The following FAM229B variants were observed in gnomAD, a reference collection of about 807,000 sequenced individuals.
FAM229B encodes protein FAM229B.
Under a neutral mutation model 6.7 loss-of-function variants are expected in FAM229B, and 2 were observed. The ratio of observed to expected loss-of-function variants is 0.30; its 90% CI spans 0.12 to 0.94. FAM229B has a LOEUF of 0.94. Among genes scored for constraint, FAM229B ranks in the 40% least tolerant of loss-of-function variants. FAM229B has a pLI of 0.54. For missense variants in FAM229B, 93 were observed against 96.2 expected, an observed-to-expected ratio of 0.97 and a Z score of 0.14; for synonymous variants, 29 against 34.0, an observed-to-expected ratio of 0.85 and a Z score of 0.51.
intron 2 of FAM229B, 78 bp downstream of exon 2, chr6:112,097,279 T>C (rs1777338993): frequency 6.6e-6 from 1 of 152,158 alleles, no homozygotes; most frequent in African/African-American, 2.4e-5. Flanking sequence ...AACCACAGAG[T>C]TTATTATGGT....
intron 1 of FAM229B, among the ~76,000 whole-genome samples, chr6:112,096,451 G>A (rs1777326834): frequency 6.8e-6 from 1 of 147,802 alleles, no homozygotes; most frequent in South Asian, 2.1e-4. Context: ...AGCTACTTGG[G>A]AGGCTGAGGC....
At chr6:112,100,330 C>G (rs1437343927) in intron 3 of FAM229B, among the ~76,000 whole-genome samples, 1 of 152,228 alleles carries the variant, frequency 6.6e-6, no homozygotes, top group Non-Finnish European at 1.5e-5. Flanking sequence ...TGCAAATGCA[C>G]ATGAATTGCC....
intron 1 of FAM229B, among the ~76,000 whole-genome samples, chr6:112,096,567 C>CA (rs1562610803): frequency 1.3e-5 from 2 of 151,462 alleles, no homozygotes; most frequent in Admixed American, 6.6e-5. Context: ...ACAACAACAA[C>CA]AAAAAAGATG....
chr6:112,090,842 C>G (rs1297386463), intron 1 of FAM229B, among the ~76,000 whole-genome samples: 3 of 152,126 alleles, frequency 2.0e-5, no homozygotes, highest in African/African-American at 4.8e-5. Context: ...ATTTCACATA[C>G]TCAGAATTTT....
At chr6:112,100,647 A>T in intron 3 of FAM229B, 23 bp from the exon 4 acceptor site, 1 of 1,511,534 alleles carries the variant, frequency 6.6e-7, no homozygotes. Context: ...ATCTAACTAC[A>T]TGTCATCTGC....
chr6:112,092,852 T>C (rs1554318291), intron 1 of FAM229B, among the ~76,000 whole-genome samples: 1 of 151,944 alleles, frequency 6.6e-6, no homozygotes, highest in Non-Finnish European at 1.5e-5. Context: ...GTTAAATATG[T>C]ATACTATAAA....
At chr6:112,096,678 G>C (rs149399092) in intron 1 of FAM229B, among the ~76,000 whole-genome samples, 1 of 149,620 alleles carries the variant, frequency 6.7e-6, no homozygotes, top group East Asian at 1.9e-4. Flanking sequence ...AGGCATTAGA[G>C]AGAGGGTGTA....
At chr6:112,096,854 A>C (rs1554318709) in intron 1 of FAM229B, among the ~76,000 whole-genome samples, 187 bp from the exon 2 acceptor site, 1 of 152,120 alleles carries the variant, frequency 6.6e-6, no homozygotes, top group Admixed American at 6.6e-5. Context: ...AATGAGAAGA[A>C]TCTCAATTCT....
At chr6:112,087,913 G>A (rs1462770362) in intron 1 of FAM229B, among the ~76,000 whole-genome samples, 193 bp downstream of exon 1, 1 of 152,118 alleles carries the variant, frequency 6.6e-6, no homozygotes, top group African/African-American at 2.4e-5. Flanking sequence ...GAACAATGGC[G>A]TTGAGCAAAG....
intron 1 of FAM229B, among the ~76,000 whole-genome samples, chr6:112,090,323 T>C (rs1277602470): frequency 6.6e-6 from 1 of 152,184 alleles, no homozygotes; most frequent in Non-Finnish European, 1.5e-5. Context: ...TCCCAACATT[T>C]AAATTCATTA....
rs1186446249 is a variant in FAM229B, at chr6:112,095,635, C to CAA, written c.-175-1382_-175-1381dup. Among the ~76,000 whole-genome samples, 115 of 48,584 alleles carry CAA rather than the reference C, an allele frequency of 2.4e-3. 1 individual carries two copies. Among genetic ancestry groups the CAA allele is most frequent in the Middle Eastern group, 0.025 (1 of 40 alleles). The allele number at this position is 48,584 out of a possible 152,430, so 31.9% of individuals were successfully genotyped here. ...TGGATGACAGAGCAAGACCCTGTCT[C>CAA]AAAAAAAAAAAAAAAAAAAAAAAAA... On this transcript the variant is annotated intron_variant, in intron 1 of 3. Coordinates refer to ENST00000368656, the MANE Select transcript of FAM229B (RefSeq NM_001033564.3).
In FAM229B at chr6:112,101,602, A is replaced by C. The variant is rs936527558; in HGVS notation, c.*815A>C. Reference sequence around the variant, plus strand: ...TATGTTCTCTTTTTCTTCTTGCAGTAGTCCCCAGAAACTCAGTCTGCTTTC... The same window carrying C: ...TATGTTCTCTTTTTCTTCTTGCAGTCGTCCCCAGAAACTCAGTCTGCTTTC... On this transcript the variant is annotated 3_prime_UTR_variant, in exon 4 of 4. Coordinates refer to ENST00000368656, the MANE Select transcript of FAM229B (RefSeq NM_001033564.3). 2 of 152,028 alleles carry C rather than the reference A, an allele frequency of 1.3e-5. No homozygotes were observed. Among genetic ancestry groups the C allele is most frequent in the African/African-American group, 4.8e-5 (2 of 41,396 alleles). 9.4% of individuals were successfully genotyped at this position (152,028 alleles called of 1,614,324 possible). A position where few individuals can be genotyped will look rare whatever the true frequency, so the allele number is the denominator to read the frequency against.
chr6:112,098,088 C>G (rs889001991), intron 2 of FAM229B, among the ~76,000 whole-genome samples: 1 of 152,138 alleles, frequency 6.6e-6, no homozygotes, highest in Non-Finnish European at 1.5e-5. Flanking sequence ...TCCTCCCTCC[C>G]CAGCTAAGAA....
intron 2 of FAM229B, 102 bp downstream of exon 2, chr6:112,097,303 CATT>C (rs2114508485): frequency 6.6e-6 from 1 of 152,324 alleles, no homozygotes; most frequent in South Asian, 2.1e-4. Flanking sequence ...ACTAAATCAT[CATT>C]GAGCGAAACA....
At chr6:112,099,560 C>T (rs1554319031) in intron 3 of FAM229B, 152 bp downstream of exon 3, 1 of 675,510 alleles carries the variant, frequency 1.5e-6, no homozygotes, top group Non-Finnish European at 2.3e-6. Context: ...CCCAGTTTTC[C>T]TTAGTGTAGA....
intron 2 of FAM229B, 40 bp downstream of exon 2, chr6:112,097,241 A>T (rs1164373971): frequency 3.3e-5 from 5 of 152,204 alleles, no homozygotes; most frequent in African/African-American, 1.2e-4. Flanking sequence ...CTAAATGTTA[A>T]TACCTGCATA....
At chr6:112,098,832 T>C (rs1777358393) in intron 2 of FAM229B, among the ~76,000 whole-genome samples, 1 of 152,242 alleles carries the variant, frequency 6.6e-6, no homozygotes, top group Non-Finnish European at 1.5e-5. Context: ...ATGTTAACCA[T>C]AGAGTATTTT....
At chr6:112,096,091 A>G (rs1227325567) in intron 1 of FAM229B, among the ~76,000 whole-genome samples, 1 of 152,210 alleles carries the variant, frequency 6.6e-6, no homozygotes, top group African/African-American at 2.4e-5. Flanking sequence ...CTGAAGAGTT[A>G]TGTTCTGGTA....
At chr6:112,091,870 G>A (rs751900562) in intron 1 of FAM229B, among the ~76,000 whole-genome samples, 1 of 143,256 alleles carries the variant, frequency 7.0e-6, no homozygotes. Flanking sequence ...AGACTGAGAA[G>A]GGACAAAGAA....
Sources: gnomAD v4.1 joint callset for allele counts (sites outside exome capture counted in the v4.1 genomes callset) on GRCh38, gnomAD v4.1.1 for gene constraint, MANE v1.5 for transcripts, NCBI Gene and HGNC (gene_info 2026-07-23, HGNC 2026-07-21) for gene names.